Variants in SHISA9 observed in about 807,000 individuals in gnomAD.
SHISA9 encodes shisa family member 9, also known as protein shisa-9.
In SHISA9, 13 loss-of-function variants were observed where a neutral mutation model predicts 38.0. The observed-to-expected ratio is 0.34, with a 90% CI of 0.22 to 0.54. SHISA9 has a LOEUF of 0.54. Among genes scored for constraint, SHISA9 ranks in the 20% least tolerant of loss-of-function variants. The probability of loss-of-function intolerance (pLI) is 0.91; values close to 1 mark genes in which losing one functional copy is unlikely to be tolerated. For synonymous variants in SHISA9, 275 were observed against 242.0 expected, an observed-to-expected ratio of 1.14 and a Z score of -1.27; for missense variants, 538 against 575.8, an observed-to-expected ratio of 0.93 and a Z score of 0.67.
chr16:12,907,681 T>C (rs2071120824), intron 1 of SHISA9, among the ~76,000 whole-genome samples: 1 of 152,250 alleles, frequency 6.6e-6, no homozygotes, highest in African/African-American at 2.4e-5. Context: ...GAAATCTCTT[T>C]AGTCTCTATT....
At chr16:13,484,855 GA>G in the SHISA9 span, among the ~76,000 whole-genome samples, 2 of 152,076 alleles carry the variant, frequency 1.3e-5, no homozygotes, top group Admixed American at 1.3e-4. Flanking sequence ...CAGCAAGGGG[GA>G]CGTCCACTCC....
At chr16:13,455,884 A>G in the SHISA9 span, among the ~76,000 whole-genome samples, 1 of 152,180 alleles carries the variant, frequency 6.6e-6, no homozygotes, top group African/African-American at 2.4e-5. Context: ...GTTTTTCTCT[A>G]AGATTTAGCT....
chr16:13,155,588 T>G (rs1173831582), intron 2 of SHISA9, among the ~76,000 whole-genome samples: 1 of 129,196 alleles, frequency 7.7e-6, no homozygotes, highest in Non-Finnish European at 1.7e-5. Context: ...TTTGTGTGTG[T>G]GGTGTGTGTG....
the SHISA9 span, among the ~76,000 whole-genome samples, chr16:13,516,252 C>T: frequency 6.4e-4 from 97 of 152,306 alleles, no homozygotes; most frequent in African/African-American, 2.0e-3. Context: ...TCCATGTTTG[C>T]ACACAGGCAG....
intron 2 of SHISA9, among the ~76,000 whole-genome samples, chr16:12,966,046 C>A (rs1234240812): frequency 1.3e-5 from 2 of 152,184 alleles, no homozygotes; most frequent in South Asian, 2.1e-4. Flanking sequence ...TTGTCTATTG[C>A]AGGATGTTTA....
the SHISA9 span, among the ~76,000 whole-genome samples, chr16:13,248,688 T>C: frequency 1.3e-5 from 2 of 152,240 alleles, no homozygotes; most frequent in Non-Finnish European, 2.9e-5. Context: ...AAGCATTTAC[T>C]TATCGACTCC....
At chr16:13,035,296 A>G (rs1197664844) in intron 2 of SHISA9, among the ~76,000 whole-genome samples, 1 of 152,180 alleles carries the variant, frequency 6.6e-6, no homozygotes, top group Non-Finnish European at 1.5e-5. Flanking sequence ...TGTGAGAATG[A>G]TGGAGATTAA....
In SHISA9 at chr16:13,007,955, T is replaced by A. The variant is rs1012637589; in HGVS notation, c.691+91140T>A. ...TGACTGTAGCAGACACTATTGGTGC[T>A]CTACCTTATTTCTTCTACTCTCCTA... On this transcript the variant is annotated intron_variant, in intron 2 of 4. Transcript: ENST00000558583. Among the ~76,000 whole-genome samples, 2 of 152,128 alleles carry A rather than the reference T, an allele frequency of 1.3e-5. 1 individual carries two copies. The highest frequency in any genetic ancestry group is 1.3e-4 in the Admixed American group (2 of 15,274).
chr16:13,168,749 G>T (rs1457720563), intron 2 of SHISA9, among the ~76,000 whole-genome samples: 1 of 152,220 alleles, frequency 6.6e-6, no homozygotes, highest in African/African-American at 2.4e-5. Context: ...CCAGGATGTG[G>T]ACAGTGACAT....
the SHISA9 span, among the ~76,000 whole-genome samples, chr16:13,491,575 C>A: frequency 1.3e-5 from 2 of 152,002 alleles, no homozygotes; most frequent in Admixed American, 1.3e-4. Context: ...ACAACCTCCA[C>A]CTCTAGGGTT....
chr16:13,023,464 GT>G (rs1419323747), intron 2 of SHISA9, among the ~76,000 whole-genome samples: 3 of 152,188 alleles, frequency 2.0e-5, no homozygotes, highest in Admixed American at 6.5e-5. Context: ...ATTGTGAATA[GT>G]GCCGCAATAA....
rs79510200 is a variant in SHISA9, at chr16:13,077,718, A to T, written c.692-125676A>T. 2.1e-3 allele frequency among the ~76,000 whole-genome samples: 326 copies of T among 152,280 alleles called. 2 individuals carry two copies. Among genetic ancestry groups the T allele is most frequent in the African/African-American group, 7.1e-3 (297 of 41,564 alleles). Reference sequence around the variant, plus strand: ...TCTCAGGTGGGCATAACTGGCTCAGACCCTCATTCAGTTCCTTTCCTTTTC... The same window carrying T: ...TCTCAGGTGGGCATAACTGGCTCAGTCCCTCATTCAGTTCCTTTCCTTTTC... On this transcript the variant is annotated intron_variant, in intron 2 of 4. Transcript: ENST00000558583.
At chr16:13,304,469 G>A in the SHISA9 span, among the ~76,000 whole-genome samples, 1 of 152,096 alleles carries the variant, frequency 6.6e-6, no homozygotes, top group African/African-American at 2.4e-5. Flanking sequence ...TGTTGCCCAG[G>A]CTGGTCTTGA....
At chr16:13,401,101 G>A in the SHISA9 span, among the ~76,000 whole-genome samples, 1 of 152,202 alleles carries the variant, frequency 6.6e-6, no homozygotes, top group East Asian at 1.9e-4. Context: ...AGTTGTGAGA[G>A]TGAGATGACC....
the SHISA9 span, among the ~76,000 whole-genome samples, chr16:13,269,896 A>G: frequency 1.3e-5 from 2 of 152,194 alleles, no homozygotes; most frequent in African/African-American, 4.8e-5. Context: ...TCTTGCAATC[A>G]CCACAGATTT....
At chr16:13,551,568 T>G in the SHISA9 span, among the ~76,000 whole-genome samples, 7 of 152,352 alleles carry the variant, frequency 4.6e-5, no homozygotes, top group African/African-American at 1.7e-4. Context: ...CATATGTGAC[T>G]GTGGGCACAT....
At chr16:13,402,365 T>G in the SHISA9 span, among the ~76,000 whole-genome samples, 1 of 152,140 alleles carries the variant, frequency 6.6e-6, no homozygotes, top group East Asian at 1.9e-4. Flanking sequence ...GTACAAAGTT[T>G]CAACAACTCA....
chr16:13,340,265 A>G, the SHISA9 span, among the ~76,000 whole-genome samples: 1 of 152,178 alleles, frequency 6.6e-6, no homozygotes. Context: ...AACCTCCTAT[A>G]TTTGGCCAGG....
intron 4 of SHISA9, among the ~76,000 whole-genome samples, chr16:13,228,116 A>C (rs1300670663): frequency 2.0e-5 from 3 of 152,238 alleles, no homozygotes; most frequent in African/African-American, 7.2e-5. Flanking sequence ...CTAAGGAAAC[A>C]GGCATAAATG....
Sources: allele counts gnomAD v4.1 joint callset (sites outside exome capture counted in the v4.1 genomes callset), GRCh38; gene constraint gnomAD v4.1.1; transcripts MANE v1.5; gene names NCBI Gene and HGNC (gene_info 2026-07-23, HGNC 2026-07-21).